Variants in ARPC3 observed in about 807,000 individuals in gnomAD.
The protein encoded by ARPC3 is actin related protein 2/3 complex subunit 3, also known as actin-related protein 2/3 complex subunit 3.
Under a neutral mutation model 27.6 loss-of-function variants are expected in ARPC3, and 12 were observed. The observed-to-expected ratio is 0.43, with a 90% CI of 0.28 to 0.70. The LOEUF is 0.70. ARPC3 is among the 30% of genes least tolerant of loss of function. ARPC3 has a pLI of 0.17. For missense variants in ARPC3, 153 were observed against 207.7 expected (o/e 0.74, Z 1.62); for synonymous variants, 53 against 67.2 (o/e 0.79, Z 1.03).
chr12:110,448,185 T>C (rs986194624), intron 1 of ARPC3, among the ~76,000 whole-genome samples: 2 of 151,930 alleles, frequency 1.3e-5, no homozygotes, highest in Admixed American at 1.3e-4. Context: ...CAGCCTAGAG[T>C]CCTGGCTTAA....
At chr12:110,449,752 TC>T in intron 1 of ARPC3, among the ~76,000 whole-genome samples, 1 of 152,052 alleles carries the variant, frequency 6.6e-6, no homozygotes, top group Admixed American at 6.6e-5. Context: ...TCTTTGGAAG[TC>T]AGGCGCCGAA....
intron 4 of ARPC3, 39 bp from the exon 5 acceptor site, chr12:110,436,722 A>C: frequency 1.0e-6 from 1 of 958,010 alleles, no homozygotes; most frequent in Non-Finnish European, 1.6e-6. Context: ...ACACACACAC[A>C]CACACACACA....
At chr12:110,436,748 ACACACAT>A (rs1212947209) in intron 4 of ARPC3, 65 bp from the exon 5 acceptor site, 5 of 1,132,666 alleles carry the variant, frequency 4.4e-6, no homozygotes, top group Non-Finnish European at 6.3e-6. Flanking sequence ...ACACACACAC[ACACACAT>A]ATTTTACAGG....
chr12:110,447,687 C>T (rs770411851), intron 1 of ARPC3, among the ~76,000 whole-genome samples: 2 of 151,964 alleles, frequency 1.3e-5, no homozygotes, highest in African/African-American at 2.4e-5. Flanking sequence ...GCATGAGAAT[C>T]GCTTGAACCC....
chr12:110,443,866 T>C (rs2062450842), intron 2 of ARPC3, among the ~76,000 whole-genome samples: 1 of 152,220 alleles, frequency 6.6e-6, no homozygotes, highest in Non-Finnish European at 1.5e-5. Flanking sequence ...AGAAGAATAC[T>C]TGGCACATAA....
At position 110,448,790 on chromosome 12, in the gene ARPC3, G is replaced by T. The variant is rs201533437; in HGVS notation, c.6+1465C>A. Among the ~76,000 whole-genome samples, 32 of 92,992 alleles carry T rather than the reference G, an allele frequency of 3.4e-4. 3 individuals carry two copies. The highest frequency in any genetic ancestry group is 6.4e-4 in the African/African-American group (14 of 22,046). 61.0% of individuals were successfully genotyped at this position (92,992 alleles called of 152,430 possible). ...GCTTCTTTTTTTCCGGGGGGGGGGGGGGTGGTGGTACAGAGTCTCACTCTG... is the reference window on the plus strand; with the variant it reads ...GCTTCTTTTTTTCCGGGGGGGGGGGTGGTGGTGGTACAGAGTCTCACTCTG... On this transcript the variant is annotated intron_variant, in intron 1 of 6. Transcript: ENST00000228825.
intron 2 of ARPC3, among the ~76,000 whole-genome samples, chr12:110,444,223 G>C (rs111393477): frequency 6.6e-6 from 1 of 151,820 alleles, no homozygotes; most frequent in Non-Finnish European, 1.5e-5. Flanking sequence ...CACCCACCTC[G>C]ACCTCTCAAA....
chr12:110,449,757 C>G (rs1026922374), intron 1 of ARPC3, among the ~76,000 whole-genome samples: 1 of 152,058 alleles, frequency 6.6e-6, no homozygotes, highest in Non-Finnish European at 1.5e-5. Flanking sequence ...GGAAGTCAGG[C>G]GCCGAACGAG....
chr12:110,444,098 T>C (rs1436944519), intron 2 of ARPC3, among the ~76,000 whole-genome samples: 4 of 151,524 alleles, frequency 2.6e-5, no homozygotes, highest in Non-Finnish European at 5.9e-5. Context: ...GTCTCCCAAG[T>C]AGTTGGGATT....
At chr12:110,449,746 T>C (rs2062489618) in intron 1 of ARPC3, among the ~76,000 whole-genome samples, 1 of 152,092 alleles carries the variant, frequency 6.6e-6, no homozygotes, top group Admixed American at 6.6e-5. Flanking sequence ...AGGAAATCTT[T>C]GGAAGTCAGG....
intron 3 of ARPC3, among the ~76,000 whole-genome samples, chr12:110,439,920 C>T (rs2135500102): frequency 6.6e-6 from 1 of 152,306 alleles, no homozygotes; most frequent in Middle Eastern, 3.4e-3. Context: ...GGTTGGCAAA[C>T]TTTCTCTGTA....
Position 110,446,611 on chromosome 12 carries a change from A to ATT in ARPC3, c.7-1062_7-1061dup, listed in dbSNP as rs556197117. Among the ~76,000 whole-genome samples, 417 of 130,688 alleles carry ATT rather than the reference A, an allele frequency of 3.2e-3. 2 individuals carry two copies. The highest frequency in any genetic ancestry group is 0.011 in the African/African-American group (381 of 35,308). 85.7% of individuals were successfully genotyped at this position (130,688 alleles called of 152,430 possible). ...TGCACTGCACTTGGCCTACTTCCTA[A>ATT]TTTTTTTTTTTTTTTGAGACGGAGT... is the stretch of plus-strand genomic sequence containing the variant. On this transcript the variant is annotated intron_variant, in intron 1 of 6. Transcript: ENST00000228825.
intron 3 of ARPC3, among the ~76,000 whole-genome samples, chr12:110,439,770 G>A (rs764218226): frequency 3.9e-5 from 6 of 152,198 alleles, no homozygotes; most frequent in South Asian, 2.1e-4. Flanking sequence ...GGAGGTTGAC[G>A]GTATAGTGAG....
intron 3 of ARPC3, 42 bp downstream of exon 3, chr12:110,440,270 T>C (rs964083672): frequency 7.3e-7 from 1 of 1,369,060 alleles, no homozygotes; most frequent in Admixed American, 1.7e-5. Flanking sequence ...GTATTATCCC[T>C]ATGAGAAAAC....
rs549070616 is a variant in ARPC3, at chr12:110,441,044, C to T, written c.107-656G>A. ...ATTTTTAGTAAAGACGGGGTTTCAC[C>T]GTGTTAGCCAGGATGGTCTTGATCT... On this transcript the variant is annotated intron_variant, in intron 2 of 6. Transcript: ENST00000228825. Among the ~76,000 whole-genome samples, 42 of 149,824 alleles carry T rather than the reference C, an allele frequency of 2.8e-4. 1 individual carries two copies. Among genetic ancestry groups the T allele is most frequent in the Admixed American group, 4.7e-4 (7 of 14,900 alleles).
At chr12:110,443,423 G>T (rs1218380156) in intron 2 of ARPC3, among the ~76,000 whole-genome samples, 1 of 150,362 alleles carries the variant, frequency 6.7e-6, no homozygotes, top group Non-Finnish European at 1.5e-5. Context: ...ACCGCGCCAC[G>T]CCCTATTTTT....
At chr12:110,444,055 C>T (rs1212873017) in intron 2 of ARPC3, among the ~76,000 whole-genome samples, 1 of 151,712 alleles carries the variant, frequency 6.6e-6, no homozygotes, top group Non-Finnish European at 1.5e-5. Context: ...CTGCAACCTC[C>T]ACCTCCCAGG....
intron 1 of ARPC3, among the ~76,000 whole-genome samples, chr12:110,449,652 A>T (rs1440181269): frequency 6.6e-6 from 1 of 152,158 alleles, no homozygotes; most frequent in Non-Finnish European, 1.5e-5. Flanking sequence ...ACGGTGATAA[A>T]TCTACCCCAC....
Position 110,436,699 on chromosome 12 carries a change from T to TATATATATA in ARPC3, c.253-25_253-17dup. On this transcript the variant is annotated splice_polypyrimidine_tract_variant and intron_variant, in intron 4 of 6. Coordinates refer to ENST00000228825, the MANE Select transcript of ARPC3 (RefSeq NM_001278556.2). ...TGGAATTGCACTGGAAAAAAAAATA[T>TATATATATA]ATATATATATATACACACACACACA... is the stretch of plus-strand genomic sequence containing the variant. 1 of 633,894 alleles carries TATATATATA rather than the reference T, an allele frequency of 1.6e-6. No individual in the cohort carries two copies. The highest frequency in any genetic ancestry group is 2.5e-6 in the Non-Finnish European group (1 of 403,982). The allele number at this position is 633,894 out of a possible 1,614,324, so 39.3% of individuals were successfully genotyped here.
Sources: allele counts gnomAD v4.1 joint callset (sites outside exome capture counted in the v4.1 genomes callset), GRCh38; gene constraint gnomAD v4.1.1; transcripts MANE v1.5; gene names NCBI Gene and HGNC (gene_info 2026-07-23, HGNC 2026-07-21).